FILIP1L: variants seen among roughly 807,000 people sequenced by gnomAD.
FILIP1L encodes filamin A-interacting protein 1-like.
In FILIP1L, 55 loss-of-function variants were observed where a neutral mutation model predicts 96.6. The ratio of observed to expected loss-of-function variants is 0.57; its 90% CI spans 0.46 to 0.71. FILIP1L has a LOEUF of 0.71. Among genes scored for constraint, FILIP1L ranks in the 30% least tolerant of loss-of-function variants. The probability of loss-of-function intolerance (pLI) is 0.00; values close to 1 mark genes in which losing one functional copy is unlikely to be tolerated. For synonymous variants in FILIP1L, 467 were observed against 473.9 expected, an observed-to-expected ratio of 0.99 and a Z score of 0.19; for missense variants, 1,304 against 1,321.2, an observed-to-expected ratio of 0.99 and a Z score of 0.20.
chr3:99,931,092 A>G (rs562892845), intron 1 of FILIP1L, 62 bp from the exon 2 acceptor site: 84 of 1,362,972 alleles, frequency 6.2e-5, no homozygotes, highest in Non-Finnish European at 8.0e-5. Flanking sequence ...AAGAGTACCT[A>G]TTACTGCTTT....
At position 99,850,604 on chromosome 3, in the gene FILIP1L, T is replaced by A; in HGVS notation, c.1072A>T (p.Ile358Phe). 2 of 1,613,884 alleles carry A rather than the reference T, an allele frequency of 1.2e-6. No homozygotes were observed. The highest frequency in any genetic ancestry group is 1.7e-6 in the Non-Finnish European group (2 of 1,180,022). Residue 358 changes from isoleucine to phenylalanine, a missense_variant, in exon 5 of 6, where the codon ATC (isoleucine) becomes TTC (phenylalanine). Physicochemically the swap from Ile to Phe is conservative, Grantham distance 21. Transcript: ENST00000477258. ...EEELQDIKEKISKGEYGNAGI... is the reference protein window; with the variant it reads ...EEELQDIKEKFSKGEYGNAGI... Reference sequence around the variant, plus strand: ...GCGTTTCCATATTCTCCCTTACTGATTTTTTCTTTTATATCTTGCAGCTCC... The same window carrying A: ...GCGTTTCCATATTCTCCCTTACTGAATTTTTCTTTTATATCTTGCAGCTCC...
At chr3:99,933,184 A>G (rs993076918) in intron 1 of FILIP1L, among the ~76,000 whole-genome samples, 6 of 152,220 alleles carry the variant, frequency 3.9e-5, no homozygotes, top group Non-Finnish European at 8.8e-5. Context: ...TAATGTCATT[A>G]TGCTGTATTG....
At chr3:99,854,104 C>A (rs912347163) in intron 4 of FILIP1L, among the ~76,000 whole-genome samples, 4 of 152,112 alleles carry the variant, frequency 2.6e-5, no homozygotes, top group African/African-American at 9.7e-5. Flanking sequence ...TTATTTCTTG[C>A]CTTGTATCCA....
chr3:99,969,555 C>T (rs1708753203), intron 1 of FILIP1L, among the ~76,000 whole-genome samples: 1 of 152,060 alleles, frequency 6.6e-6, no homozygotes, highest in Non-Finnish European at 1.5e-5. Flanking sequence ...AAGTAATGAG[C>T]CGTGCTATCC....
chr3:99,892,641 G>C (rs989493016), intron 4 of FILIP1L, among the ~76,000 whole-genome samples: 6 of 152,162 alleles, frequency 3.9e-5, no homozygotes, highest in Non-Finnish European at 8.8e-5. Flanking sequence ...AACACCCAGA[G>C]GTGGAGAAGG....
chr3:99,880,685 T>C (rs1372602654), intron 4 of FILIP1L, among the ~76,000 whole-genome samples: 1 of 152,024 alleles, frequency 6.6e-6, no homozygotes, highest in Non-Finnish European at 1.5e-5. Flanking sequence ...TAAAATTAAT[T>C]TAAAATTTTT....
At chr3:100,037,497 C>T (rs1318780800) in intron 1 of FILIP1L, among the ~76,000 whole-genome samples, 3 of 152,022 alleles carry the variant, frequency 2.0e-5, no homozygotes, top group African/African-American at 2.4e-5. Context: ...TTAAATAAAG[C>T]CAGCGCAACA....
Position 99,846,154 on chromosome 3 carries a change from C to G in FILIP1L, c.3381+2141G>C, listed in dbSNP as rs546253211. 7.0e-4 allele frequency among the ~76,000 whole-genome samples: 107 copies of G among 152,302 alleles called. 2 individuals are homozygous for G. In the South Asian group the frequency reaches 0.022, roughly 31 times the overall value. ...GCCAAGAATGGATTTCTTCCCTCCC[C>G]CCGTCCCCCACCAGCACTTGGGACA... is the stretch of plus-strand genomic sequence containing the variant. On this transcript the variant is annotated intron_variant, in intron 5 of 5. Coordinates refer to ENST00000477258, the MANE Select transcript of FILIP1L (RefSeq NM_001387850.1).
At chr3:99,839,117 T>C (rs1272757005) in intron 5 of FILIP1L, among the ~76,000 whole-genome samples, 4 of 152,148 alleles carry the variant, frequency 2.6e-5, no homozygotes, top group African/African-American at 7.2e-5. Flanking sequence ...TTCCCCATCC[T>C]GTATCCCCTG....
At chr3:100,010,770 AC>A (rs1179438187) in intron 1 of FILIP1L, among the ~76,000 whole-genome samples, 1 of 132,076 alleles carries the variant, frequency 7.6e-6, no homozygotes, top group Non-Finnish European at 1.6e-5. Context: ...GCGCGCCTCC[AC>A]GCCCGGATTT....
At chr3:100,009,912 C>A (rs952082801) in intron 1 of FILIP1L, among the ~76,000 whole-genome samples, 1 of 152,182 alleles carries the variant, frequency 6.6e-6, no homozygotes, top group African/African-American at 2.4e-5. Flanking sequence ...ATACCACTTT[C>A]TTTCACCATT....
Position 99,960,345 on chromosome 3 carries a change from G to C in FILIP1L, c.-10-29315C>G, listed in dbSNP as rs141770988. On this transcript the variant is annotated intron_variant, in intron 1 of 5. Coordinates refer to ENST00000477258, the MANE Select transcript of FILIP1L (RefSeq NM_001387850.1). ...GAAAACGAGGGCTCCAAAAAGTTAA[G>C]TGGCAGAACCTGGATGTCAGATCAA... 2.2e-4 allele frequency among the ~76,000 whole-genome samples: 34 copies of C among 152,278 alleles called. No homozygotes were observed. In the East Asian group the frequency reaches 6.6e-3, roughly 29 times the overall value.
At chr3:99,977,916 A>C (rs1448489788) in intron 1 of FILIP1L, among the ~76,000 whole-genome samples, 1 of 152,162 alleles carries the variant, frequency 6.6e-6, no homozygotes, top group Non-Finnish European at 1.5e-5. Flanking sequence ...CATTAACCTA[A>C]AAGAAAAAAT....
At chr3:99,956,749 T>C (rs2107695978) in intron 1 of FILIP1L, among the ~76,000 whole-genome samples, 1 of 152,356 alleles carries the variant, frequency 6.6e-6, no homozygotes, top group South Asian at 2.1e-4. Flanking sequence ...CTATTGGTTC[T>C]TTTTCCACAA....
At chr3:99,845,358 A>G (rs2107514187) in intron 5 of FILIP1L, among the ~76,000 whole-genome samples, 1 of 152,324 alleles carries the variant, frequency 6.6e-6, no homozygotes, top group Admixed American at 6.5e-5. Context: ...TGGGAATGTG[A>G]GTAAAATGAA....
intron 3 of FILIP1L, among the ~76,000 whole-genome samples, chr3:99,925,324 C>A (rs912690388): frequency 6.6e-5 from 10 of 152,168 alleles, no homozygotes; most frequent in Non-Finnish European, 8.8e-5. Context: ...AAATGATCAA[C>A]CTGTGGCTGA....
chr3:99,906,506 T>C (rs1706622898), intron 4 of FILIP1L, among the ~76,000 whole-genome samples: 1 of 152,224 alleles, frequency 6.6e-6, no homozygotes, highest in South Asian at 2.1e-4. Context: ...TGTATTTTGA[T>C]TAACATAACT....
intron 1 of FILIP1L, among the ~76,000 whole-genome samples, chr3:100,093,822 A>G (rs2066156302): frequency 1.3e-5 from 2 of 152,192 alleles, no homozygotes; most frequent in African/African-American, 4.8e-5. Flanking sequence ...TAGGATTGAC[A>G]TTTTTTTCAC....
At chr3:100,066,488 A>AAG (rs1224090385) in intron 1 of FILIP1L, among the ~76,000 whole-genome samples, 1 of 147,644 alleles carries the variant, frequency 6.8e-6, no homozygotes, top group Non-Finnish European at 1.5e-5. Context: ...GTGGTGATTA[A>AAG]AGCAAGGATG....
Sources: allele counts gnomAD v4.1 joint callset (sites outside exome capture counted in the v4.1 genomes callset), GRCh38; gene constraint gnomAD v4.1.1; transcripts MANE v1.5; gene names NCBI Gene and HGNC (gene_info 2026-07-23, HGNC 2026-07-21).